The following VAV1 variants were observed in gnomAD, a reference collection of about 807,000 sequenced individuals.
VAV1 encodes proto-oncogene vav.
In VAV1, 33 loss-of-function variants were observed where a neutral mutation model predicts 128.1. The observed-to-expected ratio is 0.26, with a 90% CI of 0.20 to 0.34. VAV1 has a LOEUF of 0.34. Ranked by LOEUF, VAV1 falls within the 10% of genes least tolerant of loss-of-function variation. The pLI is 1.00. For missense variants in VAV1, 715 were observed against 1,093.7 expected, an observed-to-expected ratio of 0.65 and a Z score of 4.88; for synonymous variants, 394 against 409.8, an observed-to-expected ratio of 0.96 and a Z score of 0.47.
At chr19:6,788,454 C>A (rs1008044661) in intron 1 of VAV1, among the ~76,000 whole-genome samples, 2 of 151,434 alleles carry the variant, frequency 1.3e-5, no homozygotes, top group East Asian at 3.9e-4. Context: ...CTCAGTGCAA[C>A]CTCCACCTCC....
At chr19:6,856,416 G>T (rs1344837556) in intron 26 of VAV1, among the ~76,000 whole-genome samples, 1 of 151,786 alleles carries the variant, frequency 6.6e-6, no homozygotes, top group East Asian at 2.0e-4. Context: ...ATGTGCTATA[G>T]AAAAAGATAA....
rs1311112182 is a variant in VAV1 at position 6,825,096 on chromosome 19, T to C, written c.698T>C (p.Ile233Thr). 2 of 1,613,096 alleles carry C rather than the reference T, an allele frequency of 1.2e-6. No homozygotes were observed. Among genetic ancestry groups the C allele is most frequent in the Admixed American group, 1.7e-5 (1 of 60,008 alleles). ...PLQRFLKPQD[I>T]EIIFINIEDL... is the part of the protein sequence containing the mutation. ...CAACGGTTCCTGAAACCTCAAGACA[T>C]TGAGATCATCTTTATCAACATTGAG... Residue 233 changes from isoleucine to threonine, a missense_variant, in exon 7 of 27, where the codon ATT (isoleucine) becomes ACT (threonine). Physicochemically the swap from Ile to Thr is moderately conservative, Grantham distance 89. Transcript: ENST00000602142.
In VAV1 at chr19:6,821,794, C is replaced by T. The variant is rs142981034; in HGVS notation, c.384C>T (p.Pro128=). The part of the protein sequence containing the change: ...TPIAQNRGIM[P]FPTEEESVGD... ...TCACACCCTCCTGACCCCCCAGGCC[C>T]TTCCCCACCGAGGAGGAGAGTGTAG... The change falls in exon 4 of 27, where the codon CCC becomes CCT. Residue 128 remains proline (P), a synonymous_variant. Coordinates refer to ENST00000602142, the MANE Select transcript of VAV1 (RefSeq NM_005428.4). 16 of 1,614,216 alleles carry T rather than the reference C, an allele frequency of 9.9e-6. No individual in the cohort carries two copies. Among genetic ancestry groups the T allele is most frequent in the Non-Finnish European group, 1.2e-5 (14 of 1,180,040 alleles).
At chr19:6,850,910 T>G (rs946331569) in intron 24 of VAV1, among the ~76,000 whole-genome samples, 153 bp downstream of exon 24, 4 of 152,146 alleles carry the variant, frequency 2.6e-5, no homozygotes, top group African/African-American at 9.7e-5. Context: ...CTCTTAATGA[T>G]GAACAATGGG....
chr19:6,801,398 G>A (rs756894641), intron 1 of VAV1, among the ~76,000 whole-genome samples: 51 of 152,170 alleles, frequency 3.4e-4, no homozygotes, highest in Non-Finnish European at 6.5e-4. Flanking sequence ...CCCTCCCACC[G>A]GTGCTGAAAA....
chr19:6,824,316 C>T (rs544655196), intron 6 of VAV1, among the ~76,000 whole-genome samples: 1 of 152,138 alleles, frequency 6.6e-6, no homozygotes, highest in South Asian at 2.1e-4. Flanking sequence ...CTCTTATCTT[C>T]CCCCGGTCCA....
At chr19:6,841,159 C>T (rs1260579241) in intron 21 of VAV1, among the ~76,000 whole-genome samples, 2 of 151,874 alleles carry the variant, frequency 1.3e-5, no homozygotes, top group East Asian at 3.9e-4. Flanking sequence ...AAGAGACCCA[C>T]CCTCCTTGGC....
chr19:6,776,729 G>A (rs1020322000), intron 1 of VAV1, among the ~76,000 whole-genome samples: 12 of 146,944 alleles, frequency 8.2e-5, no homozygotes, highest in Middle Eastern at 4.0e-3. Context: ...TCTATCCATG[G>A]ATCCATCCAT....
chr19:6,836,775 C>T (rs1972232776), intron 20 of VAV1, among the ~76,000 whole-genome samples: 1 of 151,200 alleles, frequency 6.6e-6, no homozygotes, highest in Non-Finnish European at 1.5e-5. Flanking sequence ...CCTCTCTGGG[C>T]TCTCCAGGCC....
intron 1 of VAV1, among the ~76,000 whole-genome samples, chr19:6,778,156 C>T (rs1040781086): frequency 2.0e-5 from 3 of 152,120 alleles, no homozygotes; most frequent in South Asian, 2.1e-4. Context: ...AGGCTGGTCT[C>T]GAACTCCTGA....
Position 6,780,814 on chromosome 19 carries a change from T to C in VAV1, c.204+7803T>C, listed in dbSNP as rs549632949. On this transcript the variant is annotated intron_variant, in intron 1 of 26. Coordinates refer to ENST00000602142, the MANE Select transcript of VAV1 (RefSeq NM_005428.4). ...GTCTTGAACTCCTGACCTCAGATGA[T>C]CTGCCCGCCTCAGCCTCCCAAAGTG... Among the ~76,000 whole-genome samples the C allele has an allele frequency of 6.7e-3, 1,001 of 150,176 alleles. 45 individuals are homozygous for C. Among genetic ancestry groups the C allele is most frequent in the Non-Finnish European group, 0.011 (758 of 67,070 alleles).
At chr19:6,804,725 CTT>C (rs796763550) in intron 1 of VAV1, among the ~76,000 whole-genome samples, 19 of 129,100 alleles carry the variant, frequency 1.5e-4, no homozygotes, top group African/African-American at 2.3e-4. Context: ...CCCATACCTC[CTT>C]TTTTTTTTTT....
Position 6,822,393 on chromosome 19 carries a change from A to G in VAV1, c.559-26A>G. 1.3e-6 allele frequency: 2 copies of G among 1,553,976 alleles called. No individual in the cohort carries two copies. The highest frequency in any genetic ancestry group is 1.7e-6 in the Non-Finnish European group (2 of 1,150,028). The stretch of plus-strand genomic sequence containing the variant: ...GCGGGGGGCAGCCCCAGGCCCCCCA[A>G]CACCGGCCTCTCCCCTCGCTCTCAG... On this transcript the variant is annotated intron_variant, in intron 5 of 26. Transcript: ENST00000602142. This position sits in a 1 kb window ranked among gnomAD's most constrained non-coding sequence, Gnocchi z 5.9.
chr19:6,845,365 A>G (rs1465002720), intron 22 of VAV1, among the ~76,000 whole-genome samples: 1 of 152,214 alleles, frequency 6.6e-6, no homozygotes, highest in Non-Finnish European at 1.5e-5. Flanking sequence ...AGCCTGGGCA[A>G]CAGAGCGAGA....
At position 6,777,489 on chromosome 19, in the gene VAV1, A is replaced by G. The variant is rs995180169; in HGVS notation, c.204+4478A>G. On this transcript the variant is annotated intron_variant, in intron 1 of 26. Transcript: ENST00000602142. The surrounding 1 kb of genome is among the most constrained non-coding windows in gnomAD (Gnocchi z 4.4). Reference sequence around the variant, plus strand: ...AAGTGGAACAGGGTATGAGGGGGGCACTTTGACGAGGAGGGCTAGTGGTAA... The same window carrying G: ...AAGTGGAACAGGGTATGAGGGGGGCGCTTTGACGAGGAGGGCTAGTGGTAA... Among the ~76,000 whole-genome samples the G allele has an allele frequency of 1.3e-5, 2 of 152,216 alleles. No individual in the cohort carries two copies. Among genetic ancestry groups the G allele is most frequent in the African/African-American group, 4.8e-5 (2 of 41,458 alleles).
chr19:6,805,748 G>A, intron 1 of VAV1, among the ~76,000 whole-genome samples: 1 of 150,990 alleles, frequency 6.6e-6, no homozygotes, highest in African/African-American at 2.4e-5. Flanking sequence ...ACACATATGT[G>A]TATATATATA....
chr19:6,801,614 G>A (rs1971271167), intron 1 of VAV1, among the ~76,000 whole-genome samples: 1 of 151,946 alleles, frequency 6.6e-6, no homozygotes, highest in Admixed American at 6.6e-5. Flanking sequence ...AACGCAAAGG[G>A]CCCCTCCACC....
In VAV1 at chr19:6,776,784, G is replaced by A. The variant is rs138552296; in HGVS notation, c.204+3773G>A. Among the ~76,000 whole-genome samples the A allele has an allele frequency of 8.9e-3, 1,343 of 150,206 alleles. 21 individuals are homozygous for A. Among genetic ancestry groups the A allele is most frequent in the African/African-American group, 0.031 (1,243 of 40,752 alleles). On this transcript the variant is annotated intron_variant, in intron 1 of 26. Coordinates refer to ENST00000602142, the MANE Select transcript of VAV1 (RefSeq NM_005428.4). ...ATTTATTTGTTTATTTATTTACGGC[G>A]TCTCACTCTGTCACCCAGGCTGGAG...
rs1475788936 is a variant in VAV1 at position 6,784,319 on chromosome 19, C to T, written c.204+11308C>T. 15 of 475,456 alleles carry T rather than the reference C, an allele frequency of 3.2e-5. No homozygotes were observed. In the Admixed American group the frequency reaches 4.4e-4, roughly 14 times the overall value. 29.5% of individuals were successfully genotyped at this position (475,456 alleles called of 1,614,324 possible). ...GATGTAGAATAAGAAGGACCTGAGC[C>T]AAGGCCATGGGGGAGGAATTCAGCT... is the stretch of plus-strand genomic sequence containing the variant. On this transcript the variant is annotated intron_variant, in intron 1 of 26. Coordinates refer to ENST00000602142, the MANE Select transcript of VAV1 (RefSeq NM_005428.4).
Sources: gnomAD v4.1 joint callset for allele counts (sites outside exome capture counted in the v4.1 genomes callset) on GRCh38, gnomAD v4.1.1 for gene constraint, Gnocchi (gnomAD v3.1) non-coding constraint, MANE v1.5 for transcripts, NCBI Gene and HGNC (gene_info 2026-07-23, HGNC 2026-07-21) for gene names.